UNC5D: variants seen among roughly 807,000 people sequenced by gnomAD.
UNC5D encodes the protein unc-5 netrin receptor D.
UNC5D carries 39 observed loss-of-function variants against 105.4 expected under a neutral mutation model. That is an observed-to-expected ratio of 0.37 (90% CI 0.29 to 0.48). The LOEUF (loss-of-function observed/expected upper bound fraction) is 0.48. Ranked by LOEUF, UNC5D falls within the 20% of genes least tolerant of loss-of-function variation. The probability of loss-of-function intolerance (pLI) is 0.98; values close to 1 mark genes in which losing one functional copy is unlikely to be tolerated. For synonymous variants in UNC5D, 452 were observed against 450.4 expected, an observed-to-expected ratio of 1.00 and a Z score of -0.04; for missense variants, 991 against 1,202.4, an observed-to-expected ratio of 0.82 and a Z score of 2.60.
At chr8:35,266,875 A>G (rs1314265488) in intron 1 of UNC5D, among the ~76,000 whole-genome samples, 1 of 152,206 alleles carries the variant, frequency 6.6e-6, no homozygotes, top group Admixed American at 6.5e-5. Flanking sequence ...AGCATCCCAA[A>G]ATGGAGCCTC....
chr8:35,503,958 T>A (rs1812141802), intron 1 of UNC5D, among the ~76,000 whole-genome samples: 1 of 152,246 alleles, frequency 6.6e-6, no homozygotes, highest in South Asian at 2.1e-4. Flanking sequence ...GAAACAATCC[T>A]ATAAAGCAGA....
At chr8:35,725,184 A>G (rs529335535) in intron 9 of UNC5D, among the ~76,000 whole-genome samples, 75 of 152,292 alleles carry the variant, frequency 4.9e-4, no homozygotes, top group African/African-American at 1.8e-3. Flanking sequence ...CATTTTTGTC[A>G]GGCCCCAAAG....
In UNC5D at chr8:35,365,591, C is replaced by CAAAAAAAAAAAAAAAAAAAAAAAA. The variant is rs10715369; in HGVS notation, c.103+129707_103+129730dup. ...TCTTAGGCTTTCATGCCATCCCCTG[C>CAAAAAAAAAAAAAAAAAAAAAAAA]AAAAAAAAAAAAAAAAAAAAAAAAA... is the stretch of plus-strand genomic sequence containing the variant. On this transcript the variant is annotated intron_variant, in intron 1 of 16. Coordinates refer to ENST00000404895, the MANE Select transcript of UNC5D (RefSeq NM_080872.4). 1.2e-4 allele frequency among the ~76,000 whole-genome samples: 6 copies of CAAAAAAAAAAAAAAAAAAAAAAAA among 49,886 alleles called. 1 individual carries two copies. Among genetic ancestry groups the CAAAAAAAAAAAAAAAAAAAAAAAA allele is most frequent in the African/African-American group, 3.2e-4 (4 of 12,392 alleles). 32.7% of individuals were successfully genotyped at this position (49,886 alleles called of 152,430 possible). A position where few individuals can be genotyped will look rare whatever the true frequency, so the allele number is the denominator to read the frequency against.
chr8:35,452,082 C>A (rs2128991736), intron 1 of UNC5D, among the ~76,000 whole-genome samples: 1 of 152,232 alleles, frequency 6.6e-6, no homozygotes, highest in East Asian at 1.9e-4. Flanking sequence ...TACATATCCA[C>A]TTCAGAATGC....
intron 4 of UNC5D, among the ~76,000 whole-genome samples, chr8:35,675,385 G>C (rs1050067137): frequency 6.6e-6 from 1 of 152,230 alleles, no homozygotes; most frequent in Non-Finnish European, 1.5e-5. Flanking sequence ...AACATCCTTA[G>C]ATGGGAGATA....
chr8:35,716,608 T>G (rs1002059939), intron 8 of UNC5D, among the ~76,000 whole-genome samples: 3 of 152,220 alleles, frequency 2.0e-5, no homozygotes, highest in Non-Finnish European at 4.4e-5. Flanking sequence ...TTAATAAATG[T>G]AAAGTCCTAG....
intron 2 of UNC5D, among the ~76,000 whole-genome samples, chr8:35,551,863 A>G (rs1052287642): frequency 2.0e-5 from 3 of 152,040 alleles, no homozygotes; most frequent in Admixed American, 6.6e-5. Flanking sequence ...AGAAGTTACC[A>G]GGGGATGCTG....
At chr8:35,402,449 C>G (rs1804529757) in intron 1 of UNC5D, among the ~76,000 whole-genome samples, 1 of 151,992 alleles carries the variant, frequency 6.6e-6, no homozygotes, top group African/African-American at 2.4e-5. Context: ...AAAACTGCAC[C>G]TGTGATTGAA....
intron 15 of UNC5D, among the ~76,000 whole-genome samples, chr8:35,770,631 T>C (rs1159826680): frequency 6.6e-6 from 1 of 152,220 alleles, no homozygotes; most frequent in African/African-American, 2.4e-5. Flanking sequence ...AATTGCAGAC[T>C]GGAATAAAAC....
At chr8:35,342,125 G>T (rs1811496707) in intron 1 of UNC5D, among the ~76,000 whole-genome samples, 1 of 151,990 alleles carries the variant, frequency 6.6e-6, no homozygotes, top group Non-Finnish European at 1.5e-5. Context: ...GCCCTTTGTA[G>T]AATTCGTAGG....
intron 1 of UNC5D, among the ~76,000 whole-genome samples, chr8:35,350,358 G>A (rs922443464): frequency 1.3e-5 from 2 of 151,878 alleles, no homozygotes; most frequent in African/African-American, 2.4e-5. Flanking sequence ...AATCTGACTC[G>A]CCTACTGAAG....
At chr8:35,471,924 A>G (rs182540610) in intron 1 of UNC5D, among the ~76,000 whole-genome samples, 3 of 152,314 alleles carry the variant, frequency 2.0e-5, no homozygotes, top group African/African-American at 7.2e-5. Flanking sequence ...TGACTAAATA[A>G]ATTAAACAAA....
chr8:35,686,489 C>T, intron 6 of UNC5D, 56 bp from the exon 7 acceptor site: 1 of 1,496,982 alleles, frequency 6.7e-7, no homozygotes, highest in South Asian at 1.4e-5. Flanking sequence ...TGGGGTGAGT[C>T]TCCTGACCGC....
Position 35,235,701 on chromosome 8 carries a change from T to A in UNC5D, c.-84T>A, listed in dbSNP as rs1802409281. ...ACTCTCTGAAGACTCCCGAGACCCATTCGACTCGGGACCCTCATCGCCGAC... is the reference window on the plus strand; with the variant it reads ...ACTCTCTGAAGACTCCCGAGACCCAATCGACTCGGGACCCTCATCGCCGAC... On this transcript the variant is annotated 5_prime_UTR_variant, in exon 1 of 17. Transcript: ENST00000404895. The A allele has an allele frequency of 9.4e-7, 1 of 1,063,754 alleles. No homozygotes were observed. Among genetic ancestry groups the A allele is most frequent in the Admixed American group, 4.3e-5 (1 of 23,202 alleles). The allele number at this position is 1,063,754 out of a possible 1,614,324, so 65.9% of individuals were successfully genotyped here. A position where few individuals can be genotyped will look rare whatever the true frequency, so the allele number is the denominator to read the frequency against.
At chr8:35,684,204 G>A (rs879370197) in intron 5 of UNC5D, among the ~76,000 whole-genome samples, 7 of 152,082 alleles carry the variant, frequency 4.6e-5, no homozygotes, top group Non-Finnish European at 2.9e-5. Flanking sequence ...TTAAGTAAAG[G>A]CATTCCCTTC....
intron 1 of UNC5D, among the ~76,000 whole-genome samples, chr8:35,526,894 C>T (rs753135304): frequency 4.6e-5 from 7 of 152,104 alleles, no homozygotes; most frequent in Non-Finnish European, 7.4e-5. Context: ...TGCAGGCACA[C>T]GGTCTTCCTC....
At chr8:35,563,419 A>T (rs1817107596) in intron 2 of UNC5D, among the ~76,000 whole-genome samples, 1 of 151,498 alleles carries the variant, frequency 6.6e-6, no homozygotes, top group Admixed American at 6.6e-5. Flanking sequence ...TCTTTTTCAG[A>T]TTATTCATCA....
At chr8:35,314,298 G>C (rs1337513973) in intron 1 of UNC5D, among the ~76,000 whole-genome samples, 5 of 152,160 alleles carry the variant, frequency 3.3e-5, no homozygotes, top group African/African-American at 1.2e-4. Context: ...GTTTGATCAA[G>C]TGGAGTTACT....
intron 1 of UNC5D, among the ~76,000 whole-genome samples, chr8:35,495,781 C>A (rs1401871140): frequency 6.6e-6 from 1 of 152,028 alleles, no homozygotes. Context: ...GCAGTAAAAA[C>A]CCTATTTTTT....
Sources: gnomAD v4.1 joint callset for allele counts (sites outside exome capture counted in the v4.1 genomes callset) on GRCh38, gnomAD v4.1.1 for gene constraint, MANE v1.5 for transcripts, NCBI Gene and HGNC (gene_info 2026-07-23, HGNC 2026-07-21) for gene names.